DNAH9: variants seen among roughly 807,000 people sequenced by gnomAD.
DNAH9 encodes the protein DNAH9 variant protein.
A neutral mutation model predicts 471.6 loss-of-function variants in DNAH9; 345 were observed. That is an observed-to-expected ratio of 0.73 (90% CI 0.67 to 0.80). The LOEUF is 0.80. Ranked by LOEUF, DNAH9 falls within the 30% of genes least tolerant of loss-of-function variation. The pLI is 0.00. For synonymous variants in DNAH9, 2,093 were observed against 2,123.6 expected (o/e 0.99, Z 0.40); for missense variants, 5,407 against 5,609.2 (o/e 0.96, Z 1.15).
chr17:11,668,454 C>G (rs1404930478), intron 15 of DNAH9, among the ~76,000 whole-genome samples: 1 of 152,084 alleles, frequency 6.6e-6, no homozygotes, highest in African/African-American at 2.4e-5. Flanking sequence ...ATCACGAGGT[C>G]AGGAGTTTGA....
intron 36 of DNAH9, among the ~76,000 whole-genome samples, chr17:11,767,632 G>A (rs536794751): frequency 6.6e-6 from 1 of 151,982 alleles, no homozygotes; most frequent in East Asian, 1.9e-4. Context: ...TCTTAGTTCA[G>A]TGTGTTTAAA....
intron 28 of DNAH9, among the ~76,000 whole-genome samples, chr17:11,738,238 G>A (rs2075379062): frequency 1.3e-5 from 2 of 151,588 alleles, no homozygotes; most frequent in Admixed American, 1.3e-4. Flanking sequence ...GGTCAGAACT[G>A]TGTCCGGCCA....
intron 66 of DNAH9, among the ~76,000 whole-genome samples, chr17:11,940,690 T>C (rs78358079): frequency 3.9e-5 from 6 of 152,346 alleles, no homozygotes; most frequent in Non-Finnish European, 7.3e-5. Context: ...TTTACACTTA[T>C]ATAGTTCTTC....
At chr17:11,834,612 A>G in intron 48 of DNAH9, 26 bp from the exon 49 acceptor site, 25 of 1,612,872 alleles carry the variant, frequency 1.6e-5, no homozygotes, top group Non-Finnish European at 2.1e-5. Flanking sequence ...ACAACTCCTG[A>G]TAAGTCCCGT....
chr17:11,641,671 C>T (rs993497489), intron 10 of DNAH9, among the ~76,000 whole-genome samples: 3 of 152,052 alleles, frequency 2.0e-5, no homozygotes, highest in South Asian at 2.1e-4. Context: ...ATCTCAATCA[C>T]GCAGCAGAAG....
intron 4 of DNAH9, chr17:11,612,512 G>C (rs925598250): frequency 1.3e-5 from 2 of 152,216 alleles, no homozygotes; most frequent in Admixed American, 1.3e-4. Flanking sequence ...TCCACCTTTG[G>C]CTCCTTGAGA....
At chr17:11,807,614 C>T (rs1219972395) in intron 43 of DNAH9, 118 bp from the exon 44 acceptor site, 1 of 1,123,170 alleles carries the variant, frequency 8.9e-7, no homozygotes, top group Non-Finnish European at 1.3e-6. Flanking sequence ...ACGTTTCCCA[C>T]AGCTCAGCCT....
chr17:11,927,242 G>A (rs1396980621), intron 62 of DNAH9, among the ~76,000 whole-genome samples: 4 of 152,150 alleles, frequency 2.6e-5, no homozygotes, highest in Admixed American at 2.6e-4. Flanking sequence ...ATTTTCCTGG[G>A]AAGAAGCTCT....
chr17:11,651,393 C>T (rs2150701356), intron 13 of DNAH9, 69 bp downstream of exon 13: 1 of 1,459,392 alleles, frequency 6.9e-7, no homozygotes, highest in East Asian at 2.3e-5. Flanking sequence ...TTCATAGAAC[C>T]TCCAATTATT....
chr17:11,900,478 T>C (rs924630021), intron 59 of DNAH9, among the ~76,000 whole-genome samples: 2 of 144,882 alleles, frequency 1.4e-5, no homozygotes, highest in Admixed American at 7.1e-5. Context: ...CTCCAGGCTT[T>C]AGCTCTTCTT....
chr17:11,954,995 A>C (rs1975565660), intron 67 of DNAH9, among the ~76,000 whole-genome samples: 1 of 152,212 alleles, frequency 6.6e-6, no homozygotes, highest in African/African-American at 2.4e-5. Flanking sequence ...ATGTAAAACC[A>C]AAATACATGC....
Position 11,650,612 on chromosome 17 carries a change from C to T in DNAH9, c.2098-457C>T, listed in dbSNP as rs74951612. Among the ~76,000 whole-genome samples the T allele has an allele frequency of 1.7e-4, 26 of 152,314 alleles. No individual in the cohort carries two copies. The East Asian group carries it at 3.9e-3, about 23-fold the overall frequency. On this transcript the variant is annotated intron_variant, in intron 12 of 68. Coordinates refer to ENST00000262442, the MANE Select transcript of DNAH9 (RefSeq NM_001372.4). ...CCTCCTCTCAATCCTGCCAGTGTCTCGCTATAACTGTTTCATTTGGAGAGA... is the reference window on the plus strand; with the variant it reads ...CCTCCTCTCAATCCTGCCAGTGTCTTGCTATAACTGTTTCATTTGGAGAGA...
chr17:11,738,553 G>C (rs1190972210), intron 28 of DNAH9, among the ~76,000 whole-genome samples: 4 of 152,122 alleles, frequency 2.6e-5, no homozygotes, highest in Non-Finnish European at 5.9e-5. Context: ...GCTGATTTTT[G>C]TATTTTTAGT....
At position 11,690,130 on chromosome 17, in the gene DNAH9, C is replaced by T; in HGVS notation, c.4308C>T (p.Thr1436=). ...KAAKEMGMEK[T]LKELQTTWAG... ...CAAAAGAGATGGGTATGGAGAAAAC[C>T]TTAAAGGAGCTGCAGACTACCTGGG... The change falls in exon 20 of 69, where the codon ACC becomes ACT. Residue 1436 remains threonine (T), a synonymous_variant. Transcript: ENST00000262442. 1 of 1,614,172 alleles carries T rather than the reference C, an allele frequency of 6.2e-7. No individual in the cohort carries two copies. Among genetic ancestry groups the T allele is most frequent in the Non-Finnish European group, 8.5e-7 (1 of 1,180,018 alleles).
At chr17:11,897,239 C>T (rs1340449399) in intron 59 of DNAH9, among the ~76,000 whole-genome samples, 1 of 152,162 alleles carries the variant, frequency 6.6e-6, no homozygotes, top group Non-Finnish European at 1.5e-5. Context: ...ATTTTTTAAA[C>T]TTATAGCTCA....
intron 68 of DNAH9, among the ~76,000 whole-genome samples, chr17:11,968,981 T>C (rs545384559): frequency 1.3e-5 from 2 of 152,314 alleles, no homozygotes; most frequent in East Asian, 3.9e-4. Context: ...CTGGCAAATA[T>C]ACACATTCGA....
intron 61 of DNAH9, among the ~76,000 whole-genome samples, chr17:11,912,970 C>T (rs951465753): frequency 1.8e-4 from 27 of 152,060 alleles, no homozygotes; most frequent in African/African-American, 5.6e-4. Flanking sequence ...GAGTTCAAGA[C>T]CAGCCTTGTC....
intron 68 of DNAH9, among the ~76,000 whole-genome samples, chr17:11,963,327 G>A (rs1032157229): frequency 3.3e-5 from 5 of 151,984 alleles, no homozygotes; most frequent in African/African-American, 9.7e-5. Flanking sequence ...CCAGCTACTC[G>A]GAATGCTGAA....
intron 67 of DNAH9, among the ~76,000 whole-genome samples, chr17:11,943,095 C>T (rs935117177): frequency 2.6e-5 from 4 of 151,624 alleles, no homozygotes; most frequent in East Asian, 2.0e-4. Flanking sequence ...GGGGTTTCAC[C>T]GTGTTAGCCA....
Sources: allele counts gnomAD v4.1 joint callset (sites outside exome capture counted in the v4.1 genomes callset), GRCh38; gene constraint gnomAD v4.1.1; transcripts MANE v1.5; gene names NCBI Gene and HGNC (gene_info 2026-07-23, HGNC 2026-07-21).